Variants in MYO1B observed in about 807,000 individuals in gnomAD.
MYO1B encodes the protein myosin IB, also known as unconventional myosin-Ib.
A neutral mutation model predicts 159.7 loss-of-function variants in MYO1B; 72 were observed. The ratio of observed to expected loss-of-function variants is 0.45; its 90% CI spans 0.37 to 0.55. MYO1B has a LOEUF of 0.55. Ranked by LOEUF, MYO1B falls within the 20% of genes least tolerant of loss-of-function variation. MYO1B has a pLI of 0.00. For synonymous variants in MYO1B, 468 were observed against 473.8 expected (o/e 0.99, Z 0.16); for missense variants, 1,062 against 1,364.8 (o/e 0.78, Z 3.50).
chr2:191,276,534 A>G (rs1292424289), intron 1 of MYO1B, among the ~76,000 whole-genome samples: 1 of 152,170 alleles, frequency 6.6e-6, no homozygotes, highest in East Asian at 1.9e-4. Context: ...ATTGGTACAC[A>G]AGGGCTGAGG....
rs1344550284 is a variant in MYO1B at position 191,293,167 on chromosome 2, A to G, written c.136-2944A>G. Among the ~76,000 whole-genome samples, 3 of 152,370 alleles carry G rather than the reference A, an allele frequency of 2.0e-5. No homozygotes were observed. The East Asian group carries it at 5.8e-4, about 29-fold the overall frequency. On this transcript the variant is annotated intron_variant, in intron 2 of 30. Coordinates refer to ENST00000392318, the MANE Select transcript of MYO1B (RefSeq NM_001130158.3). The stretch of plus-strand genomic sequence containing the variant: ...GGCTTCTACTTGTGTCTCATTTGCT[A>G]ACTTCCCTTTGGTTAAATCAAGTCA...
chr2:191,323,003 T>C (rs1397269534), intron 3 of MYO1B, among the ~76,000 whole-genome samples: 1 of 152,134 alleles, frequency 6.6e-6, no homozygotes, highest in Non-Finnish European at 1.5e-5. Context: ...TATTCTTGAG[T>C]TTTCCAGGAA....
chr2:191,340,783 T>A (rs1692170763), intron 4 of MYO1B, among the ~76,000 whole-genome samples: 1 of 151,978 alleles, frequency 6.6e-6, no homozygotes, highest in South Asian at 2.1e-4. Context: ...TGGAGTGCAG[T>A]GGTGCGATCT....
intron 23 of MYO1B, chr2:191,402,392 T>A (rs1696670020): frequency 1.9e-6 from 1 of 515,172 alleles, no homozygotes; most frequent in Middle Eastern, 5.2e-4. Flanking sequence ...TGGGAAATGA[T>A]TACCTTGGGA....
At chr2:191,276,833 C>T in intron 1 of MYO1B, 54 bp from the exon 2 acceptor site, 1 of 1,555,602 alleles carries the variant, frequency 6.4e-7, no homozygotes, top group Non-Finnish European at 8.7e-7. Context: ...TGCCAAGAAC[C>T]TATTTGAAAT....
intron 3 of MYO1B, among the ~76,000 whole-genome samples, chr2:191,320,608 T>G (rs2125891410): frequency 6.6e-6 from 1 of 152,224 alleles, no homozygotes. Flanking sequence ...CTCCATGAAA[T>G]GGCTACAGAT....
chr2:191,409,228 A>G, intron 26 of MYO1B, 50 bp downstream of exon 26: 1 of 1,567,518 alleles, frequency 6.4e-7, no homozygotes, highest in Non-Finnish European at 8.7e-7. Flanking sequence ...ATTTATTTTG[A>G]GTGTTTAAAA....
At chr2:191,383,085 A>G (rs1044033183) in intron 14 of MYO1B, among the ~76,000 whole-genome samples, 195 bp from the exon 15 acceptor site, 2 of 152,200 alleles carry the variant, frequency 1.3e-5, no homozygotes, top group African/African-American at 4.8e-5. Context: ...TGCTTCAATC[A>G]GATTATGTCA....
intron 1 of MYO1B, among the ~76,000 whole-genome samples, chr2:191,261,714 G>A (rs1054156495): frequency 1.3e-5 from 2 of 152,134 alleles, no homozygotes; most frequent in Non-Finnish European, 2.9e-5. Context: ...GAGGTCTACC[G>A]CACTTCACTT....
chr2:191,299,381 C>G (rs1689170589), intron 3 of MYO1B, among the ~76,000 whole-genome samples: 1 of 152,232 alleles, frequency 6.6e-6, no homozygotes, highest in African/African-American at 2.4e-5. Context: ...CCAGATCCCT[C>G]TCATTCCCTC....
intron 1 of MYO1B, among the ~76,000 whole-genome samples, chr2:191,249,810 T>C (rs868719373): frequency 6.6e-6 from 1 of 152,242 alleles, no homozygotes; most frequent in African/African-American, 2.4e-5. Flanking sequence ...AGAGTAACTT[T>C]AGTCTCCTCA....
At chr2:191,390,875 CCT>C (rs2126100583) in intron 18 of MYO1B, among the ~76,000 whole-genome samples, 1 of 152,312 alleles carries the variant, frequency 6.6e-6, no homozygotes, top group East Asian at 1.9e-4. Flanking sequence ...GGTGAAGGTC[CCT>C]CTCTTTGCCT....
intron 4 of MYO1B, among the ~76,000 whole-genome samples, chr2:191,337,199 T>G (rs1691912014): frequency 6.6e-6 from 1 of 152,358 alleles, no homozygotes; most frequent in East Asian, 1.9e-4. Flanking sequence ...GACAATTGTC[T>G]TTCCTTGAAT....
rs1042525754 is a variant in MYO1B, at chr2:191,328,704, C to T, written c.252-1231C>T. Among the ~76,000 whole-genome samples the T allele has an allele frequency of 3.3e-5, 5 of 152,160 alleles. No individual in the cohort carries two copies. In the South Asian group the frequency reaches 6.2e-4, roughly 19 times the overall value. On this transcript the variant is annotated intron_variant, in intron 3 of 30. Transcript: ENST00000392318. ...TCTCTCTCCGCAGCTCATCTCTTAT[C>T]CTCTCTTCATTATGCTTTGCTTTGC... is the stretch of plus-strand genomic sequence containing the variant.
chr2:191,264,673 T>G (rs1394031456), intron 1 of MYO1B, among the ~76,000 whole-genome samples: 1 of 152,070 alleles, frequency 6.6e-6, no homozygotes, highest in East Asian at 1.9e-4. Context: ...ATTTTGGTTA[T>G]GAGATCAGAA....
chr2:191,327,805 G>C (rs1271469334), intron 3 of MYO1B, among the ~76,000 whole-genome samples: 1 of 152,082 alleles, frequency 6.6e-6, no homozygotes, highest in Non-Finnish European at 1.5e-5. Flanking sequence ...AAAAGACCCT[G>C]GTGTCAGGAT....
intron 1 of MYO1B, chr2:191,263,288 G>C (rs1207621359): frequency 3.1e-6 from 3 of 982,316 alleles, no homozygotes; most frequent in African/African-American, 3.5e-5. Flanking sequence ...TACTTAGTGT[G>C]TTCTCCCTGT....
At chr2:191,382,953 C>T (rs972195700) in intron 14 of MYO1B, among the ~76,000 whole-genome samples, 5 of 152,108 alleles carry the variant, frequency 3.3e-5, no homozygotes, top group Non-Finnish European at 5.9e-5. Context: ...ACATACACAA[C>T]GTAATATTGA....
intron 1 of MYO1B, among the ~76,000 whole-genome samples, chr2:191,275,646 A>C (rs541634232): frequency 1.2e-3 from 183 of 152,248 alleles, no homozygotes; most frequent in Non-Finnish European, 2.2e-3. Context: ...TAATAGGAAG[A>C]ATCAAATGTC....
Sources: allele counts gnomAD v4.1 joint callset (sites outside exome capture counted in the v4.1 genomes callset), GRCh38; gene constraint gnomAD v4.1.1; transcripts MANE v1.5; gene names NCBI Gene and HGNC (gene_info 2026-07-23, HGNC 2026-07-21).